The following ATP11A variants were observed in gnomAD, a reference collection of about 807,000 sequenced individuals.
ATP11A encodes the protein ATPase phospholipid transporting 11A, also known as phospholipid-transporting ATPase IH.
Under a neutral mutation model 154.4 loss-of-function variants are expected in ATP11A, and 81 were observed. The observed-to-expected ratio is 0.52, with a 90% CI of 0.44 to 0.63. ATP11A has a LOEUF of 0.63. ATP11A is among the 30% of genes least tolerant of loss of function. ATP11A has a pLI of 0.00. For synonymous variants in ATP11A, 623 were observed against 585.9 expected, an observed-to-expected ratio of 1.06 and a Z score of -0.91; for missense variants, 1,316 against 1,474.3, an observed-to-expected ratio of 0.89 and a Z score of 1.76.
At chr13:112,729,442 C>T (rs986481581) in intron 1 of ATP11A, among the ~76,000 whole-genome samples, 1 of 151,132 alleles carries the variant, frequency 6.6e-6, no homozygotes, top group Non-Finnish European at 1.5e-5. Flanking sequence ...TGAGGCAGCG[C>T]GGTTCCCACC....
chr13:112,739,709 A>C (rs1436347993), intron 1 of ATP11A, among the ~76,000 whole-genome samples: 3 of 152,264 alleles, frequency 2.0e-5, no homozygotes, highest in African/African-American at 7.2e-5. Context: ...CATCATAGCC[A>C]AAGAGCGGAA....
At chr13:112,869,248 A>AG in intron 25 of ATP11A, among the ~76,000 whole-genome samples, 1 of 152,334 alleles carries the variant, frequency 6.6e-6, no homozygotes. Flanking sequence ...AGCGTTTCTC[A>AG]GGGGCCCTGA....
At chr13:112,871,291 A>G (rs1006933142) in intron 25 of ATP11A, among the ~76,000 whole-genome samples, 19 of 152,232 alleles carry the variant, frequency 1.2e-4, no homozygotes, top group African/African-American at 4.6e-4. Context: ...GTACTCAGGC[A>G]ACTGTCTTTT....
At chr13:112,845,128 A>G (rs1368687411) in intron 17 of ATP11A, among the ~76,000 whole-genome samples, 2 of 149,874 alleles carry the variant, frequency 1.3e-5, no homozygotes, top group East Asian at 4.0e-4. Flanking sequence ...TACTAGTCCA[A>G]GTGCCGGGCA....
chr13:112,862,083 C>G (rs940808095), intron 24 of ATP11A, among the ~76,000 whole-genome samples: 3 of 152,232 alleles, frequency 2.0e-5, no homozygotes, highest in African/African-American at 7.2e-5. Flanking sequence ...CGTAAGGCGT[C>G]ACGTCAGGCG....
Position 112,883,136 on chromosome 13 carries a change from C to T in ATP11A, c.*1270C>T. On this transcript the variant is annotated 3_prime_UTR_variant, in exon 30 of 30. Coordinates refer to ENST00000375645, the MANE Select transcript of ATP11A (RefSeq NM_015205.3). ...TCCCCTCGTCTCCTCATCCCCACGT[C>T]CTCTCGTCCCCTTGTCCCGTCCCCA... 2.5e-6 allele frequency: 1 copy of T among 394,218 alleles called. No individual in the cohort carries two copies. The highest frequency in any genetic ancestry group is 3.6e-5 in the East Asian group (1 of 27,518). The allele number at this position is 394,218 out of a possible 1,614,324, so 24.4% of individuals were successfully genotyped here.
At chr13:112,828,118 G>GAAACGCCCAGCAGCATTGAGTGCGGGGGA (rs143513857) in intron 12 of ATP11A, among the ~76,000 whole-genome samples, 2 of 122,378 alleles carry the variant, frequency 1.6e-5, no homozygotes, top group African/African-American at 3.2e-5. Flanking sequence ...TGAGTGGGGG[G>GAAACGCCCAGCAGCATTGAGTGCGGGGGA]AAGCGCCCAG....
chr13:112,862,017 G>A (rs895627381), intron 24 of ATP11A, among the ~76,000 whole-genome samples: 3 of 92,662 alleles, frequency 3.2e-5, no homozygotes, highest in East Asian at 3.3e-4. Flanking sequence ...CACAGCAGGC[G>A]TAAGGCGTCA....
chr13:112,759,352 G>A (rs1286512952), intron 1 of ATP11A, among the ~76,000 whole-genome samples: 2 of 152,168 alleles, frequency 1.3e-5, no homozygotes, highest in African/African-American at 4.8e-5. Context: ...CCAGCCACCC[G>A]CAACACACTT....
chr13:112,848,884 C>A (rs2079682493), intron 17 of ATP11A, among the ~76,000 whole-genome samples: 1 of 152,192 alleles, frequency 6.6e-6, no homozygotes, highest in Non-Finnish European at 1.5e-5. Context: ...GATGGGGTTT[C>A]ACCACGTTGG....
intron 12 of ATP11A, 56 bp from the exon 13 acceptor site, chr13:112,831,319 T>C (rs1594820306): frequency 6.3e-7 from 1 of 1,577,136 alleles, no homozygotes; most frequent in East Asian, 2.3e-5. Flanking sequence ...TGTGTCTGAG[T>C]CGGGGACGTG....
At chr13:112,852,782 TG>T (rs147822357) in intron 18 of ATP11A, among the ~76,000 whole-genome samples, 1,576 of 126,350 alleles carry the variant, frequency 0.012, 35 homozygotes, top group African/African-American at 0.051. Flanking sequence ...AATGCCTGGT[TG>T]GCGGGGGGGG....
At chr13:112,768,536 T>C (rs755003637) in intron 1 of ATP11A, among the ~76,000 whole-genome samples, 17 of 152,380 alleles carry the variant, frequency 1.1e-4, no homozygotes, top group Non-Finnish European at 1.9e-4. Context: ...TCATTAGATA[T>C]ATATTCAATA....
At position 112,830,209 on chromosome 13, in the gene ATP11A, A is replaced by G. The variant is rs2079049171; in HGVS notation, c.1222-1166A>G. 2.0e-5 allele frequency among the ~76,000 whole-genome samples: 3 copies of G among 152,224 alleles called. No individual in the cohort carries two copies. The South Asian group carries it at 6.2e-4, about 32-fold the overall frequency. ...CTAGAAATATGCCACCTATTTAGTTATAGCTAAACAGGATGATAAACCAAA... is the reference window on the plus strand; with the variant it reads ...CTAGAAATATGCCACCTATTTAGTTGTAGCTAAACAGGATGATAAACCAAA... On this transcript the variant is annotated intron_variant, in intron 12 of 29. Coordinates refer to ENST00000375645, the MANE Select transcript of ATP11A (RefSeq NM_015205.3).
At chr13:112,702,111 C>T (rs191451770) in intron 1 of ATP11A, among the ~76,000 whole-genome samples, 2 of 152,022 alleles carry the variant, frequency 1.3e-5, no homozygotes, top group Admixed American at 6.6e-5. Context: ...TTTGGGAGGC[C>T]GAGGCGGGTG....
At chr13:112,841,899 G>GA (rs2079431778) in intron 16 of ATP11A, among the ~76,000 whole-genome samples, 1 of 152,232 alleles carries the variant, frequency 6.6e-6, no homozygotes. Flanking sequence ...ATGACTCTCC[G>GA]AAGGGGATTT....
intron 2 of ATP11A, 55 bp from the exon 3 acceptor site, chr13:112,804,902 A>G: frequency 3.5e-6 from 4 of 1,131,024 alleles, no homozygotes; most frequent in Non-Finnish European, 5.2e-6. Context: ...CTAGAGTAAC[A>G]CTACAAGAGT....
chr13:112,878,366 A>G (rs2080792800), intron 29 of ATP11A, 63 bp downstream of exon 29: 14 of 1,556,732 alleles, frequency 9.0e-6, no homozygotes, highest in Non-Finnish European at 1.2e-5. Flanking sequence ...GGCCATGCCC[A>G]TCACCAGAGC....
At chr13:112,776,026 C>T (rs1456129465) in intron 1 of ATP11A, among the ~76,000 whole-genome samples, 1 of 152,240 alleles carries the variant, frequency 6.6e-6, no homozygotes, top group African/African-American at 2.4e-5. Context: ...CCCCTTCCCG[C>T]CTCCCTGGCC....
Sources: allele counts gnomAD v4.1 joint callset (sites outside exome capture counted in the v4.1 genomes callset), GRCh38; gene constraint gnomAD v4.1.1; transcripts MANE v1.5; gene names NCBI Gene and HGNC (gene_info 2026-07-23, HGNC 2026-07-21).